Variants in RGSL1 observed in about 807,000 individuals in gnomAD.
RGSL1 encodes the protein regulator of G protein signaling like 1, also known as regulator of G protein signaling protein-like.
RGSL1 carries 97 observed loss-of-function variants against 124.7 expected under a neutral mutation model. The ratio of observed to expected loss-of-function variants is 0.78; its 90% CI spans 0.66 to 0.92. The LOEUF (loss-of-function observed/expected upper bound fraction) is 0.92, where lower values mean the gene tolerates loss of function less well. Ranked by LOEUF, RGSL1 falls within the 40% of genes least tolerant of loss-of-function variation. The pLI is 0.00. For synonymous variants in RGSL1, 424 were observed against 438.1 expected, an observed-to-expected ratio of 0.97 and a Z score of 0.40; for missense variants, 1,233 against 1,288.4, an observed-to-expected ratio of 0.96 and a Z score of 0.66.
intron 9 of RGSL1, among the ~76,000 whole-genome samples, chr1:182,494,111 G>A (rs947733848): frequency 3.3e-5 from 5 of 152,058 alleles, no homozygotes; most frequent in African/African-American, 4.8e-5. Flanking sequence ...CTGAGCCCCC[G>A]GTCATCACGA....
intron 12 of RGSL1, 54 bp from the exon 13 acceptor site, chr1:182,530,736 C>G (rs1250108478): frequency 6.8e-7 from 1 of 1,474,070 alleles, no homozygotes; most frequent in East Asian, 2.6e-5. Flanking sequence ...GGACTGTCAT[C>G]TTTTATGTGC....
At chr1:182,524,748 A>G (rs1658613910) in intron 10 of RGSL1, among the ~76,000 whole-genome samples, 1 of 152,248 alleles carries the variant, frequency 6.6e-6, no homozygotes, top group South Asian at 2.1e-4. Flanking sequence ...GACCAGGAGC[A>G]CTGTCAAAAC....
At chr1:182,452,650 A>G (rs1459032002) in intron 1 of RGSL1, among the ~76,000 whole-genome samples, 1 of 151,964 alleles carries the variant, frequency 6.6e-6, no homozygotes, top group East Asian at 1.9e-4. Flanking sequence ...ACAGGGTTTC[A>G]TCATGTTGGT....
intron 1 of RGSL1, 195 bp downstream of exon 1, chr1:182,450,373 T>C (rs755419600): frequency 4.4e-6 from 3 of 675,210 alleles, no homozygotes; most frequent in African/African-American, 1.8e-5. Flanking sequence ...TCTTTGAGGA[T>C]AGTACAGGGC....
chr1:182,496,108 C>A (rs2102125755), intron 9 of RGSL1, among the ~76,000 whole-genome samples: 1 of 152,068 alleles, frequency 6.6e-6, no homozygotes, highest in East Asian at 1.9e-4. Context: ...TCTGGGGAGG[C>A]CTCAGAAAAT....
At chr1:182,519,339 A>T (rs1215118651) in intron 9 of RGSL1, among the ~76,000 whole-genome samples, 1 of 152,128 alleles carries the variant, frequency 6.6e-6, no homozygotes, top group Non-Finnish European at 1.5e-5. Context: ...TTTCTGAAGA[A>T]TACAGTTTCT....
chr1:182,498,482 C>G (rs1656100878), intron 9 of RGSL1, among the ~76,000 whole-genome samples: 1 of 152,124 alleles, frequency 6.6e-6, no homozygotes, highest in Non-Finnish European at 1.5e-5. Context: ...ATTAGTGGTT[C>G]GAGCTAAAGA....
At chr1:182,479,806 G>A (rs1654557386) in intron 6 of RGSL1, among the ~76,000 whole-genome samples, 2 of 152,146 alleles carry the variant, frequency 1.3e-5, no homozygotes, top group African/African-American at 4.8e-5. Flanking sequence ...TTTTATGCAA[G>A]TGGTAACCCA....
chr1:182,488,642 T>C (rs12029271), intron 7 of RGSL1: 31,290 of 355,202 alleles, frequency 0.088, 1,754 homozygotes, highest in African/African-American at 0.16. Context: ...AGGAGAATGG[T>C]GTGAACCCGG....
intron 9 of RGSL1, among the ~76,000 whole-genome samples, chr1:182,513,393 T>C (rs1657617072): frequency 6.6e-6 from 1 of 152,198 alleles, no homozygotes; most frequent in South Asian, 2.1e-4. Context: ...TAAGGTTAAG[T>C]ATGCATGGGT....
intron 10 of RGSL1, among the ~76,000 whole-genome samples, chr1:182,527,305 G>A (rs779157185): frequency 6.6e-6 from 1 of 152,084 alleles, no homozygotes; most frequent in Admixed American, 6.5e-5. Context: ...TGTAAAAAGA[G>A]AATTCCCTTG....
intron 15 of RGSL1, among the ~76,000 whole-genome samples, chr1:182,540,738 A>G (rs1659840301): frequency 6.6e-6 from 1 of 152,208 alleles, no homozygotes; most frequent in Non-Finnish European, 1.5e-5. Flanking sequence ...CATGAGACCA[A>G]TATTCTTTAG....
intron 14 of RGSL1, among the ~76,000 whole-genome samples, chr1:182,536,501 T>C (rs1001939739): frequency 2.0e-4 from 31 of 152,242 alleles, no homozygotes; most frequent in African/African-American, 6.8e-4. Flanking sequence ...CTAGAGGGTA[T>C]GTAATAGTAT....
intron 10 of RGSL1, among the ~76,000 whole-genome samples, chr1:182,522,527 G>C (rs1658425237): frequency 6.6e-6 from 1 of 151,934 alleles, no homozygotes; most frequent in Non-Finnish European, 1.5e-5. Context: ...CTCCTAACTG[G>C]TTCCTTACTT....
intron 8 of RGSL1, among the ~76,000 whole-genome samples, chr1:182,490,253 T>C (rs1424159158): frequency 6.6e-6 from 1 of 152,220 alleles, no homozygotes; most frequent in Non-Finnish European, 1.5e-5. Flanking sequence ...ATACCATTCA[T>C]ATGCACTGTG....
intron 9 of RGSL1, among the ~76,000 whole-genome samples, chr1:182,508,518 T>C (rs978641943): frequency 7.9e-5 from 12 of 151,626 alleles, no homozygotes; most frequent in Admixed American, 2.6e-4. Context: ...AGGCTGGTCT[T>C]GAACTCCTGA....
rs12032506 is a variant in RGSL1 at position 182,460,470 on chromosome 1, C to T, written c.301+337C>T. Among the ~76,000 whole-genome samples, 19 of 152,146 alleles carry T rather than the reference C, an allele frequency of 1.2e-4. No homozygotes were observed. The South Asian group carries it at 1.5e-3, about 12-fold the overall frequency. On this transcript the variant is annotated intron_variant, in intron 4 of 21. Transcript: ENST00000294854. ...CAGAAATGAGAAAATTAATGGTGGC[C>T]GCAGAACATAGTAAAATTGCCTAAT...
At chr1:182,511,166 GCTTT>G (rs1368313914) in intron 9 of RGSL1, among the ~76,000 whole-genome samples, 1 of 151,990 alleles carries the variant, frequency 6.6e-6, no homozygotes, top group Non-Finnish European at 1.5e-5. Context: ...TATCCAGCTT[GCTTT>G]CTTTATTTTT....
intron 9 of RGSL1, 72 bp from the exon 10 acceptor site, chr1:182,521,932 A>C (rs1326369688): frequency 2.0e-6 from 2 of 1,023,102 alleles, no homozygotes; most frequent in Middle Eastern, 2.8e-4. Flanking sequence ...TGTCTGAAAA[A>C]TATCCTTGCT....
Sources: allele counts gnomAD v4.1 joint callset (sites outside exome capture counted in the v4.1 genomes callset), GRCh38; gene constraint gnomAD v4.1.1; transcripts MANE v1.5; gene names NCBI Gene and HGNC (gene_info 2026-07-23, HGNC 2026-07-21).